Variants in XPR1 observed in about 807,000 individuals in gnomAD.
The protein encoded by XPR1 is xenotropic and polytropic retrovirus receptor 1.
Under a neutral mutation model 87.5 loss-of-function variants are expected in XPR1, and 28 were observed. The observed-to-expected ratio is 0.32, with a 90% confidence interval of 0.24 to 0.44. XPR1 has a LOEUF of 0.44. Ranked by LOEUF, XPR1 falls within the 20% of genes least tolerant of loss-of-function variation. XPR1 has a pLI of 1.00. For synonymous variants in XPR1, 300 were observed against 306.1 expected (o/e 0.98, Z 0.21); for missense variants, 559 against 862.3 (o/e 0.65, Z 4.41).
rs112382171 is a variant in XPR1 at position 180,874,642 on chromosome 1, A to T, written c.1808+700A>T. The stretch of plus-strand genomic sequence containing the variant: ...GAGGCAGAGGTTGCAGTGAGCCAAG[A>T]CTGCACTGTTGCACTCCAACCTGGG... On this transcript the variant is annotated intron_variant, in intron 13 of 14. Transcript: ENST00000367590. 7.0e-3 allele frequency among the ~76,000 whole-genome samples: 1,059 copies of T among 152,192 alleles called. 6 individuals carry two copies. The highest frequency in any genetic ancestry group is 0.024 in the African/African-American group (996 of 41,514).
intron 6 of XPR1, among the ~76,000 whole-genome samples, chr1:180,809,150 G>GA (rs1650114023): frequency 6.6e-6 from 1 of 151,274 alleles, no homozygotes; most frequent in Admixed American, 6.6e-5. Flanking sequence ...AGAGAAAGCA[G>GA]AAAAAAAAGG....
chr1:180,720,937 T>C (rs987738246), intron 2 of XPR1, among the ~76,000 whole-genome samples: 1 of 152,186 alleles, frequency 6.6e-6, no homozygotes, highest in African/African-American at 2.4e-5. Context: ...TTAAATGTCA[T>C]TCAAATTTAG....
intron 2 of XPR1, among the ~76,000 whole-genome samples, chr1:180,685,510 T>C (rs1656735306): frequency 6.6e-6 from 1 of 152,328 alleles, no homozygotes. Context: ...TAAAATGAGT[T>C]AGGGAGGATT....
At chr1:180,828,415 A>G (rs962683230) in intron 9 of XPR1, among the ~76,000 whole-genome samples, 2 of 152,150 alleles carry the variant, frequency 1.3e-5, no homozygotes, top group Non-Finnish European at 2.9e-5. Context: ...ATTTACCTCA[A>G]TCAGAAATCT....
chr1:180,840,185 TGCAGTCC>T (rs1651454480), intron 11 of XPR1, among the ~76,000 whole-genome samples: 1 of 136,342 alleles, frequency 7.3e-6, no homozygotes, highest in Non-Finnish European at 1.5e-5. Flanking sequence ...ATTGCGCCAC[TGCAGTCC>T]GCAGTCCGGC....
chr1:180,889,300 A>C lies in XPR1; in HGVS notation c.*5234A>C, dbSNP rs532708197. 1 of 152,230 alleles carries C rather than the reference A, an allele frequency of 6.6e-6. No individual in the cohort carries two copies. Among genetic ancestry groups the C allele is most frequent in the South Asian group, 2.1e-4 (1 of 4,832 alleles). 9.4% of individuals were successfully genotyped at this position (152,230 alleles called of 1,614,324 possible). ...TGTTTGCCTTGGATTCAGTATATCT[A>C]CTAAGTACACAGTCTCGTATACCTT... On this transcript the variant is annotated 3_prime_UTR_variant, in exon 15 of 15. Coordinates refer to ENST00000367590, the MANE Select transcript of XPR1 (RefSeq NM_004736.4).
At chr1:180,800,402 G>C (rs983874661) in intron 3 of XPR1, among the ~76,000 whole-genome samples, 3 of 152,198 alleles carry the variant, frequency 2.0e-5, no homozygotes, top group Non-Finnish European at 2.9e-5. Context: ...GAGTAGTCTC[G>C]AAGAGCTAAA....
At chr1:180,730,772 C>A (rs1319381223) in intron 2 of XPR1, among the ~76,000 whole-genome samples, 2 of 152,084 alleles carry the variant, frequency 1.3e-5, no homozygotes, top group African/African-American at 4.8e-5. Flanking sequence ...AAGTGATCCT[C>A]CCCCCTCAGC....
In XPR1 at chr1:180,659,601, C is replaced by CCG. The variant is rs1557943928; in HGVS notation, c.70-22759_70-22758insCG. Among the ~76,000 whole-genome samples the CCG allele has an allele frequency of 2.8e-4, 36 of 127,000 alleles. 1 individual carries two copies. The highest frequency in any genetic ancestry group is 1.0e-3 in the African/African-American group (33 of 31,616). The allele number at this position is 127,000 out of a possible 152,430, so 83.3% of individuals were successfully genotyped here. A position where few individuals can be genotyped will look rare whatever the true frequency, so the allele number is the denominator to read the frequency against. On this transcript the variant is annotated intron_variant, in intron 1 of 14. Transcript: ENST00000367590. ...CCCCAGCCACCGCACCCCCACCCCC[C>CCG]ACCCCCCGCCGGGTTCAAGCGATTC...
At chr1:180,838,316 G>T (rs937437348) in intron 11 of XPR1, among the ~76,000 whole-genome samples, 26 of 147,314 alleles carry the variant, frequency 1.8e-4, no homozygotes, top group Admixed American at 1.6e-3. Context: ...TGAGGAGGAG[G>T]AGGAAGAGGA....
At position 180,790,178 on chromosome 1, in the gene XPR1, C is replaced by T. The variant is rs1649320811; in HGVS notation, c.223+2324C>T. The stretch of plus-strand genomic sequence containing the variant: ...AGACATTCTCATCCTTATTTATTTT[C>T]CTCCAATCTTTGTAGAAGAGATATC... On this transcript the variant is annotated intron_variant, in intron 3 of 14. Transcript: ENST00000367590. 2.6e-5 allele frequency among the ~76,000 whole-genome samples: 4 copies of T among 152,094 alleles called. No homozygotes were observed. The South Asian group carries it at 6.2e-4, about 24-fold the overall frequency.
At chr1:180,784,998 C>A in intron 2 of XPR1, among the ~76,000 whole-genome samples, 1 of 55,266 alleles carries the variant, frequency 1.8e-5, no homozygotes, top group Admixed American at 2.1e-4. Context: ...TAGTTTTTTT[C>A]GTGTGTGTGT....
chr1:180,876,591 G>A (rs1324551896), intron 13 of XPR1, among the ~76,000 whole-genome samples: 1 of 151,204 alleles, frequency 6.6e-6, no homozygotes, highest in Admixed American at 6.6e-5. Context: ...AGCCAAGATT[G>A]CACCACTGTA....
intron 2 of XPR1, among the ~76,000 whole-genome samples, chr1:180,717,430 T>G (rs1012107626): frequency 1.4e-4 from 22 of 152,120 alleles, no homozygotes; most frequent in African/African-American, 5.3e-4. Flanking sequence ...GATAATATAG[T>G]TAGGAGGATT....
At chr1:180,815,226 GAATT>G (rs759351019) in intron 7 of XPR1, among the ~76,000 whole-genome samples, 4 of 151,554 alleles carry the variant, frequency 2.6e-5, no homozygotes, top group Non-Finnish European at 5.9e-5. Context: ...CTTTTTATGT[GAATT>G]AATTGCTACA....
chr1:180,703,273 C>G (rs1657421858), intron 2 of XPR1, among the ~76,000 whole-genome samples: 1 of 152,080 alleles, frequency 6.6e-6, no homozygotes, highest in African/African-American at 2.4e-5. Flanking sequence ...TCCCAGGTCA[C>G]TAGTTGGCAC....
intron 11 of XPR1, among the ~76,000 whole-genome samples, chr1:180,839,989 C>T (rs1041238293): frequency 9.3e-5 from 14 of 151,264 alleles, no homozygotes; most frequent in Non-Finnish European, 1.3e-4. Context: ...TTTGGGAGGC[C>T]GAGGCGGGTG....
intron 1 of XPR1, among the ~76,000 whole-genome samples, chr1:180,644,514 G>T (rs538749418): frequency 7.3e-5 from 11 of 150,082 alleles, no homozygotes; most frequent in Non-Finnish European, 1.6e-4. Flanking sequence ...TTAGAGTTTA[G>T]TTGGATTCCA....
At chr1:180,833,934 G>C (rs900436656) in intron 9 of XPR1, among the ~76,000 whole-genome samples, 5 of 151,990 alleles carry the variant, frequency 3.3e-5, no homozygotes, top group Non-Finnish European at 5.9e-5. Flanking sequence ...GTGAGTTTTT[G>C]AATCATTTAT....
Sources: allele counts gnomAD v4.1 joint callset (sites outside exome capture counted in the v4.1 genomes callset), GRCh38; gene constraint gnomAD v4.1.1; transcripts MANE v1.5; gene names NCBI Gene and HGNC (gene_info 2026-07-23, HGNC 2026-07-21).